B3GALT1: variants seen among roughly 807,000 people sequenced by gnomAD.
B3GALT1 encodes the protein beta-1,3-galactosyltransferase 1, also known as UDP-Gal:betaGlcNAc beta 1,3-galactosyltransferase, polypeptide 1.
Under a neutral mutation model 23.2 loss-of-function variants are expected in B3GALT1, and 10 were observed. That is an observed-to-expected ratio of 0.43 (90% CI 0.27 to 0.73). The LOEUF is 0.73. Among genes scored for constraint, B3GALT1 ranks in the 30% least tolerant of loss-of-function variants. The pLI is 0.21. For missense variants in B3GALT1, 299 were observed against 405.4 expected, an observed-to-expected ratio of 0.74 and a Z score of 2.25; for synonymous variants, 156 against 141.5, an observed-to-expected ratio of 1.10 and a Z score of -0.73.
Position 167,699,488 on chromosome 2 carries a change from G to T in B3GALT1, c.-352+52522G>T, listed in dbSNP as rs1686843871. Among the ~76,000 whole-genome samples the T allele has an allele frequency of 2.1e-5, 3 of 143,734 alleles. No homozygotes were observed. The Admixed American group carries it at 2.2e-4, about 11-fold the overall frequency. The allele number at this position is 143,734 out of a possible 152,430, so 94.3% of individuals were successfully genotyped here. On this transcript the variant is annotated intron_variant, in intron 3 of 4. Transcript: ENST00000392690. ...GTTGAAAGGGTAAATGACATTTTTG[G>T]TGAATAGAAAATTTTTGCAAAAATT...
In B3GALT1 at chr2:167,395,426, AGAAGATG is replaced by A. The variant is rs150545896; in HGVS notation, c.-510-94748_-510-94742del. Among the ~76,000 whole-genome samples, 414 of 152,226 alleles carry A rather than the reference AGAAGATG, an allele frequency of 2.7e-3. 1 individual carries two copies. The highest frequency in any genetic ancestry group is 9.0e-3 in the African/African-American group (373 of 41,566). ...TGATGGAGATTAGAATAATATGTTTAGAAGATGGAGAAAAGAACCATAAGCCAAGGAA... is the reference window on the plus strand; with the variant it reads ...TGATGGAGATTAGAATAATATGTTTAGAGAAAAGAACCATAAGCCAAGGAA... On this transcript the variant is annotated intron_variant, in intron 1 of 4. Transcript: ENST00000392690.
intron 3 of B3GALT1, among the ~76,000 whole-genome samples, chr2:167,766,724 A>G (rs534485142): frequency 6.6e-6 from 1 of 152,342 alleles, no homozygotes; most frequent in South Asian, 2.1e-4. Context: ...AGGAATGAGC[A>G]GGTACATTGT....
intron 2 of B3GALT1, among the ~76,000 whole-genome samples, chr2:167,561,830 G>A (rs1018807325): frequency 9.2e-5 from 14 of 152,192 alleles, no homozygotes; most frequent in African/African-American, 2.6e-4. Context: ...TACCAACCAA[G>A]AAGAGTCCAG....
chr2:167,660,365 A>T (rs1474332998), intron 3 of B3GALT1, among the ~76,000 whole-genome samples: 2 of 152,004 alleles, frequency 1.3e-5, no homozygotes, highest in Non-Finnish European at 2.9e-5. Context: ...AGGGTCTAGA[A>T]ACAGTCCAGT....
intron 3 of B3GALT1, among the ~76,000 whole-genome samples, chr2:167,817,051 A>G (rs2105359727): frequency 6.6e-6 from 1 of 152,324 alleles, no homozygotes. Context: ...GTTTGGCCAA[A>G]TAGACGTGCT....
chr2:167,428,059 A>G (rs1698650761), intron 1 of B3GALT1, among the ~76,000 whole-genome samples: 1 of 152,226 alleles, frequency 6.6e-6, no homozygotes, highest in South Asian at 2.1e-4. Flanking sequence ...AAACATTGGG[A>G]GGAAAAACAT....
intron 2 of B3GALT1, among the ~76,000 whole-genome samples, chr2:167,540,356 T>C (rs1221693993): frequency 6.6e-6 from 1 of 152,114 alleles, no homozygotes; most frequent in Non-Finnish European, 1.5e-5. Flanking sequence ...GACAGGAAAA[T>C]CTCAGGCCCC....
At chr2:167,734,554 C>T (rs894144442) in intron 3 of B3GALT1, among the ~76,000 whole-genome samples, 1 of 152,154 alleles carries the variant, frequency 6.6e-6, no homozygotes, top group African/African-American at 2.4e-5. Context: ...GAAATCAATG[C>T]CATGATCCGT....
At chr2:167,427,833 CA>C (rs1421771604) in intron 1 of B3GALT1, among the ~76,000 whole-genome samples, 1 of 152,198 alleles carries the variant, frequency 6.6e-6, no homozygotes, top group Non-Finnish European at 1.5e-5. Flanking sequence ...TTCCTTGCAC[CA>C]TGTTTCTCAC....
chr2:167,834,848 CAAA>C (rs368641971), intron 4 of B3GALT1, among the ~76,000 whole-genome samples: 1 of 135,952 alleles, frequency 7.4e-6, no homozygotes, highest in East Asian at 2.1e-4. Flanking sequence ...AACTCCACCT[CAAA>C]AAAAAAAAAG....
At chr2:167,564,728 C>T (rs1684119898) in intron 2 of B3GALT1, among the ~76,000 whole-genome samples, 1 of 152,186 alleles carries the variant, frequency 6.6e-6, no homozygotes, top group African/African-American at 2.4e-5. Context: ...AGACAGACAG[C>T]CAAATCATGA....
At chr2:167,749,707 G>A (rs1395345859) in intron 3 of B3GALT1, among the ~76,000 whole-genome samples, 2 of 152,142 alleles carry the variant, frequency 1.3e-5, no homozygotes, top group African/African-American at 2.4e-5. Flanking sequence ...TGTTTTAAAT[G>A]CCTTAAACTA....
At chr2:167,519,553 A>G (rs1700156688) in intron 2 of B3GALT1, among the ~76,000 whole-genome samples, 1 of 152,194 alleles carries the variant, frequency 6.6e-6, no homozygotes, top group Non-Finnish European at 1.5e-5. Context: ...GTAAGGTTAA[A>G]AAACTCAACC....
chr2:167,460,130 A>G (rs1699234562), intron 1 of B3GALT1, among the ~76,000 whole-genome samples: 1 of 152,204 alleles, frequency 6.6e-6, no homozygotes, highest in Admixed American at 6.5e-5. Context: ...CTTGAGTTTC[A>G]TAGAAGTTTA....
At chr2:167,585,793 A>T (rs1333127001) in intron 2 of B3GALT1, among the ~76,000 whole-genome samples, 4 of 152,252 alleles carry the variant, frequency 2.6e-5, no homozygotes, top group Non-Finnish European at 5.9e-5. Context: ...AATAGAGTAG[A>T]TAATTTTCGG....
At chr2:167,548,798 C>T (rs1471433421) in intron 2 of B3GALT1, among the ~76,000 whole-genome samples, 2 of 151,940 alleles carry the variant, frequency 1.3e-5, no homozygotes, top group Non-Finnish European at 2.9e-5. Context: ...CTGTCTCATG[C>T]AGACAAATCT....
intron 3 of B3GALT1, among the ~76,000 whole-genome samples, chr2:167,672,057 C>T (rs1249499807): frequency 6.6e-6 from 1 of 152,096 alleles, no homozygotes; most frequent in Non-Finnish European, 1.5e-5. Flanking sequence ...ACAGTATTGT[C>T]ACTGTTGCTG....
intron 1 of B3GALT1, among the ~76,000 whole-genome samples, chr2:167,295,746 T>C (rs1393745806): frequency 1.3e-5 from 2 of 150,322 alleles, no homozygotes; most frequent in East Asian, 3.9e-4. Context: ...GCCTTTGTGC[T>C]CATTTTAAGG....
intron 2 of B3GALT1, among the ~76,000 whole-genome samples, chr2:167,517,295 G>C (rs1700112238): frequency 6.6e-6 from 1 of 151,656 alleles, no homozygotes; most frequent in Non-Finnish European, 1.5e-5. Flanking sequence ...TAAAAGATTA[G>C]TAGCAGCAAC....
Sources: gnomAD v4.1 joint callset for allele counts (sites outside exome capture counted in the v4.1 genomes callset) on GRCh38, gnomAD v4.1.1 for gene constraint, MANE v1.5 for transcripts, NCBI Gene and HGNC (gene_info 2026-07-23, HGNC 2026-07-21) for gene names.